WDR27: variants seen among roughly 807,000 people sequenced by gnomAD.
WDR27 encodes WD repeat domain 27.
WDR27 carries 100 observed loss-of-function variants against 114.4 expected under a neutral mutation model. That is an observed-to-expected ratio of 0.87 (90% confidence interval 0.74 to 1.03). The LOEUF is 1.03. WDR27 is among the 50% of genes least tolerant of loss of function. The pLI, the probability that WDR27 is intolerant of heterozygous loss-of-function variation, is 0.00. For synonymous variants in WDR27, 449 were observed against 423.1 expected, an observed-to-expected ratio of 1.06 and a Z score of -0.75; for missense variants, 1,129 against 1,092.9, an observed-to-expected ratio of 1.03 and a Z score of -0.47.
At chr6:169,448,080 G>A in the WDR27 span, among the ~76,000 whole-genome samples, 3 of 152,064 alleles carry the variant, frequency 2.0e-5, no homozygotes, top group African/African-American at 4.8e-5. Context: ...ATGTTGAAGT[G>A]CATAAGATTT....
rs574000299 is a variant in WDR27, at chr6:169,624,981, C to T, written c.2223+7966G>A. 3.9e-5 allele frequency among the ~76,000 whole-genome samples: 6 copies of T among 152,364 alleles called. No homozygotes were observed. In the East Asian group the frequency reaches 1.2e-3, roughly 29 times the overall value. On this transcript the variant is annotated intron_variant, in intron 21 of 25. Coordinates refer to ENST00000448612, the MANE Select transcript of WDR27 (RefSeq NM_182552.5). ...CCTCACCCTCGGGGCCCGGCCCATC[C>T]ACTGAGGGGACCTGCAAGATGCAAC...
chr6:169,667,193 G>C lies in WDR27; in HGVS notation c.661-6C>G, dbSNP rs1319365377. ...CCTGTACAATGGTCCCAGACCTTTG[G>C]ATAAACACAGGATTCTTTAGAAGAG... On this transcript the variant is annotated splice_region_variant and splice_polypyrimidine_tract_variant and intron_variant, in intron 5 of 25. Coordinates refer to ENST00000448612, the MANE Select transcript of WDR27 (RefSeq NM_182552.5). 2 of 1,512,330 alleles carry C rather than the reference G, an allele frequency of 1.3e-6. No homozygotes were observed. The highest frequency in any genetic ancestry group is 2.4e-5 in the Admixed American group (1 of 42,364). The allele number at this position is 1,512,330 out of a possible 1,614,324, so 93.7% of individuals were successfully genotyped here.
At chr6:169,646,134 A>C (rs566564084) in intron 16 of WDR27, among the ~76,000 whole-genome samples, 2 of 152,390 alleles carry the variant, frequency 1.3e-5, no homozygotes, top group East Asian at 3.9e-4. Flanking sequence ...TAACATCGGC[A>C]TGGGGGTCTG....
intron 25 of WDR27, among the ~76,000 whole-genome samples, chr6:169,525,941 G>A (rs1740351745): frequency 6.6e-6 from 1 of 152,160 alleles, no homozygotes; most frequent in Non-Finnish European, 1.5e-5. Flanking sequence ...CAGCAACATA[G>A]ATGGAACTGG....
chr6:169,526,232 C>T (rs1457348003), intron 25 of WDR27, among the ~76,000 whole-genome samples: 5 of 152,214 alleles, frequency 3.3e-5, no homozygotes, highest in African/African-American at 9.6e-5. Flanking sequence ...TTAAATGTCA[C>T]AGCTAAAGCT....
At chr6:169,613,310 T>C (rs1365061294) in intron 22 of WDR27, among the ~76,000 whole-genome samples, 2 of 152,052 alleles carry the variant, frequency 1.3e-5, no homozygotes, top group Non-Finnish European at 2.9e-5. Context: ...TTCCAAAGTC[T>C]CCCTCAACAT....
At chr6:169,682,486 C>T (rs1781795730) in intron 2 of WDR27, among the ~76,000 whole-genome samples, 1 of 152,230 alleles carries the variant, frequency 6.6e-6, no homozygotes, top group African/African-American at 2.4e-5. Flanking sequence ...GCAAGACTCG[C>T]AGCAATCCTG....
At chr6:169,590,414 T>C (rs1805510138) in intron 23 of WDR27, among the ~76,000 whole-genome samples, 1 of 152,272 alleles carries the variant, frequency 6.6e-6, no homozygotes, top group Non-Finnish European at 1.5e-5. Context: ...TTTCTTCAGA[T>C]ACTGAATTTT....
intron 23 of WDR27, among the ~76,000 whole-genome samples, chr6:169,583,463 T>TTG (rs150919690): frequency 0.052 from 5,343 of 103,474 alleles, 360 homozygotes; most frequent in African/African-American, 0.17. Context: ...TCCTCTTTAA[T>TTG]TGTGTGTGTG....
chr6:169,516,591 G>A (rs1793674020), intron 25 of WDR27, among the ~76,000 whole-genome samples: 1 of 152,058 alleles, frequency 6.6e-6, no homozygotes, highest in South Asian at 2.1e-4. Context: ...CAAAAACCTT[G>A]AGAGGGAAGA....
intron 20 of WDR27, among the ~76,000 whole-genome samples, chr6:169,634,034 C>G (rs998280057): frequency 6.6e-6 from 1 of 152,168 alleles, no homozygotes; most frequent in Non-Finnish European, 1.5e-5. Context: ...CCATAAAAAT[C>G]TCAAAAATTA....
chr6:169,460,526 G>A (rs1225322012), intron 25 of WDR27, among the ~76,000 whole-genome samples: 2 of 151,970 alleles, frequency 1.3e-5, no homozygotes, highest in African/African-American at 4.8e-5. Flanking sequence ...GAAAATAAGG[G>A]ACAAAAAACT....
chr6:169,433,425 C>A, the WDR27 span, among the ~76,000 whole-genome samples: 3,078 of 152,262 alleles, frequency 0.02, 64 homozygotes, highest in East Asian at 0.071. Context: ...AGAAATCATT[C>A]TTTTTTATGG....
At chr6:169,544,386 G>C (rs775320197) in intron 25 of WDR27, among the ~76,000 whole-genome samples, 1 of 150,208 alleles carries the variant, frequency 6.7e-6, no homozygotes, top group Non-Finnish European at 1.5e-5. Flanking sequence ...AAAGTTGCAA[G>C]ATATAATATC....
chr6:169,444,661 G>GTT, the WDR27 span, among the ~76,000 whole-genome samples: 2 of 146,046 alleles, frequency 1.4e-5, no homozygotes, highest in Non-Finnish European at 1.5e-5. Context: ...ATGGTGGACT[G>GTT]TTTTTTTGTT....
At chr6:169,593,988 C>T (rs1314680996) in intron 23 of WDR27, among the ~76,000 whole-genome samples, 1 of 152,164 alleles carries the variant, frequency 6.6e-6, no homozygotes, top group African/African-American at 2.4e-5. Context: ...TTCTGATTTA[C>T]TTTGTTGTTC....
intron 25 of WDR27, among the ~76,000 whole-genome samples, chr6:169,496,217 T>C (rs904883310): frequency 6.6e-6 from 1 of 152,038 alleles, no homozygotes; most frequent in Non-Finnish European, 1.5e-5. Flanking sequence ...TCTCAATTGA[T>C]GCAGAAAAAA....
chr6:169,467,929 T>C (rs1417894466), intron 25 of WDR27, among the ~76,000 whole-genome samples: 1 of 152,240 alleles, frequency 6.6e-6, no homozygotes, highest in Non-Finnish European at 1.5e-5. Flanking sequence ...AACCATATCT[T>C]TGTGAATACA....
chr6:169,467,260 G>T (rs564300356), intron 25 of WDR27, among the ~76,000 whole-genome samples: 1 of 152,300 alleles, frequency 6.6e-6, no homozygotes, highest in Admixed American at 6.5e-5. Flanking sequence ...GCAAGCTGTT[G>T]GTGGGTCTAC....
Sources: allele counts gnomAD v4.1 joint callset (sites outside exome capture counted in the v4.1 genomes callset), GRCh38; gene constraint gnomAD v4.1.1; transcripts MANE v1.5; gene names NCBI Gene and HGNC (gene_info 2026-07-23, HGNC 2026-07-21).